Variants in ERICH1 observed in about 807,000 individuals in gnomAD.
ERICH1 encodes glutamate-rich protein 1.
Under a neutral mutation model 39.6 loss-of-function variants are expected in ERICH1, and 56 were observed. The observed-to-expected ratio is 1.41, with a 90% CI of 1.14 to 1.77. The LOEUF (loss-of-function observed/expected upper bound fraction) is 1.77, where lower values mean the gene tolerates loss of function less well. ERICH1 is among the 40% of genes most tolerant of loss of function. The probability of loss-of-function intolerance (pLI) is 0.00; values close to 1 mark genes in which losing one functional copy is unlikely to be tolerated. For missense variants in ERICH1, 826 were observed against 575.4 expected, an observed-to-expected ratio of 1.44 and a Z score of -4.45; for synonymous variants, 313 against 223.6, an observed-to-expected ratio of 1.40 and a Z score of -3.57.
At chr8:705,359 G>GT (rs1488052694) in intron 2 of ERICH1, among the ~76,000 whole-genome samples, 2 of 152,154 alleles carry the variant, frequency 1.3e-5, no homozygotes, top group African/African-American at 2.4e-5. Context: ...CGGTTCTTAC[G>GT]TTTTTTATTG....
At chr8:701,350 G>T (rs1012232499) in intron 2 of ERICH1, among the ~76,000 whole-genome samples, 1 of 152,046 alleles carries the variant, frequency 6.6e-6, no homozygotes, top group Admixed American at 6.5e-5. Context: ...CCGTACCCAC[G>T]GGTCTACCCT....
rs111637177 is a variant in ERICH1 at position 695,037 on chromosome 8, G to A, written c.170-2425C>T. 1.9e-3 allele frequency among the ~76,000 whole-genome samples: 295 copies of A among 152,210 alleles called. 2 individuals carry two copies. The highest frequency in any genetic ancestry group is 5.5e-3 in the African/African-American group (230 of 41,504). Reference sequence around the variant, plus strand: ...GAAAGGCAGAGGGGCGTGGTGGCTCGGAGCCCTAGGGTGATAGGCGGTTGG... The same window carrying A: ...GAAAGGCAGAGGGGCGTGGTGGCTCAGAGCCCTAGGGTGATAGGCGGTTGG... On this transcript the variant is annotated intron_variant, in intron 2 of 5. Coordinates refer to ENST00000262109, the MANE Select transcript of ERICH1 (RefSeq NM_207332.3).
At chr8:699,798 C>T (rs1403499506) in intron 2 of ERICH1, among the ~76,000 whole-genome samples, 1 of 75,090 alleles carries the variant, frequency 1.3e-5, no homozygotes, top group Non-Finnish European at 3.5e-5. Context: ...CACAGACCCG[C>T]ACACGCGCAC....
intron 3 of ERICH1, chr8:641,268 C>T (rs993280424): frequency 7.2e-5 from 11 of 152,294 alleles, no homozygotes; most frequent in African/African-American, 2.2e-4. Context: ...TGGTACAAAT[C>T]TGTGTGTAAT....
At chr8:623,930 T>C (rs1797440627) in intron 3 of ERICH1, among the ~76,000 whole-genome samples, 1 of 152,128 alleles carries the variant, frequency 6.6e-6, no homozygotes, top group African/African-American at 2.4e-5. Context: ...AACTTTTTTG[T>C]TGCAAATGAT....
chr8:714,741 G>C (rs760037551), intron 2 of ERICH1, among the ~76,000 whole-genome samples: 5,365 of 68,222 alleles, frequency 0.079, 94 homozygotes, highest in Middle Eastern at 0.24. Context: ...GGCCTCTTCC[G>C]GCATCTCTCG....
At chr8:671,108 G>T (rs989173305) in intron 4 of ERICH1, among the ~76,000 whole-genome samples, 1 of 151,812 alleles carries the variant, frequency 6.6e-6, no homozygotes, top group Non-Finnish European at 1.5e-5. Flanking sequence ...TGTGCTCACT[G>T]GTCCCCAGGC....
At chr8:728,213 C>T (rs1008962069) in intron 1 of ERICH1, among the ~76,000 whole-genome samples, 2 of 152,208 alleles carry the variant, frequency 1.3e-5, no homozygotes, top group South Asian at 2.1e-4. Context: ...GAGGAGGCTC[C>T]GCCAGCCCAA....
At chr8:628,705 C>G (rs1239419894) in intron 3 of ERICH1, among the ~76,000 whole-genome samples, 1 of 152,202 alleles carries the variant, frequency 6.6e-6, no homozygotes, top group Non-Finnish European at 1.5e-5. Context: ...GGAATAACAC[C>G]CTGTGGGCCT....
At chr8:630,759 C>A (rs1797965107) in intron 3 of ERICH1, among the ~76,000 whole-genome samples, 1 of 145,100 alleles carries the variant, frequency 6.9e-6, no homozygotes, top group Non-Finnish European at 1.5e-5. Context: ...CTCACACCCT[C>A]CCGTGAGCAC....
chr8:652,976 G>A (rs1199736891), intron 3 of ERICH1, among the ~76,000 whole-genome samples: 2 of 152,218 alleles, frequency 1.3e-5, no homozygotes, highest in Non-Finnish European at 2.9e-5. Flanking sequence ...GAGGAGGAAT[G>A]AGCACACTCA....
intron 1 of ERICH1, among the ~76,000 whole-genome samples, chr8:728,261 C>T (rs1033378003): frequency 1.4e-4 from 21 of 152,186 alleles, no homozygotes; most frequent in African/African-American, 4.6e-4. Flanking sequence ...ACACAGTAAG[C>T]GTTTCAGGAA....
intron 1 of ERICH1, among the ~76,000 whole-genome samples, chr8:726,949 A>C (rs907387094): frequency 6.8e-6 from 1 of 147,182 alleles, no homozygotes; most frequent in African/African-American, 2.7e-5. Context: ...CATACACCAC[A>C]CAGGCACATA....
intron 3 of ERICH1, among the ~76,000 whole-genome samples, chr8:643,707 C>T (rs1669716): frequency 0.88 from 134,702 of 152,248 alleles, 59,695 homozygotes; most frequent in South Asian, 0.94. Flanking sequence ...CCATCCGCGA[C>T]TTCGGGAGCT....
In ERICH1 at chr8:655,582, C is replaced by T. The variant is rs533698063; in HGVS notation, c.976+13016G>A. Reference sequence around the variant, plus strand: ...GTGGATCACGCAGCAACCTTCATCACGGGGGATCATTCTGGGGGCATGTGT... The same window carrying T: ...GTGGATCACGCAGCAACCTTCATCATGGGGGATCATTCTGGGGGCATGTGT... On this transcript the variant is annotated intron_variant, in intron 3 of 3. Coordinates refer to the ERICH1 transcript ENST00000522706. Among the ~76,000 whole-genome samples, 72 of 152,244 alleles carry T rather than the reference C, an allele frequency of 4.7e-4. 2 individuals carry two copies. The South Asian group carries it at 0.014, about 29-fold the overall frequency.
chr8:636,003 G>T (rs1027550670), intron 3 of ERICH1, among the ~76,000 whole-genome samples: 1 of 152,258 alleles, frequency 6.6e-6, no homozygotes, highest in Non-Finnish European at 1.5e-5. Flanking sequence ...ACAGCCCAAA[G>T]CTGCACCTTG....
At chr8:664,800 A>G in intron 5 of ERICH1, 124 bp from the exon 6 acceptor site, 9 of 686,308 alleles carry the variant, frequency 1.3e-5, no homozygotes, top group Non-Finnish European at 2.4e-6. Flanking sequence ...AATAAAATGC[A>G]ACTTTGGCAT....
Position 714,740 on chromosome 8 carries a change from C to T in ERICH1, c.169+1121G>A, listed in dbSNP as rs541637577. Among the ~76,000 whole-genome samples, 483 of 118,762 alleles carry T rather than the reference C, an allele frequency of 4.1e-3. 2 individuals carry two copies. Among genetic ancestry groups the T allele is most frequent in the African/African-American group, 0.015 (461 of 31,192 alleles). 77.9% of individuals were successfully genotyped at this position (118,762 alleles called of 152,430 possible). On this transcript the variant is annotated intron_variant, in intron 2 of 5. Transcript: ENST00000262109. ...TGTGCTGCACCCAGGCGGCCTCTTC[C>T]GGCATCTCTCGGTGGGATGTGCTGC...
intron 3 of ERICH1, among the ~76,000 whole-genome samples, chr8:655,924 C>G (rs1005886754): frequency 2.6e-5 from 4 of 152,142 alleles, no homozygotes; most frequent in Non-Finnish European, 4.4e-5. Context: ...CTATGCTGTT[C>G]TCGCAGTTAC....
Sources: gnomAD v4.1 joint callset for allele counts (sites outside exome capture counted in the v4.1 genomes callset) on GRCh38, gnomAD v4.1.1 for gene constraint, MANE v1.5 for transcripts, NCBI Gene and HGNC (gene_info 2026-07-23, HGNC 2026-07-21) for gene names.